Variants in BCLAF3 observed in about 807,000 individuals in gnomAD.
BCLAF3 encodes transient octamer binding factor 1.
BCLAF3 carries 24 observed loss-of-function variants against 51.2 expected under a neutral mutation model. The observed-to-expected ratio is 0.47, with a 90% CI of 0.34 to 0.66. BCLAF3 has a LOEUF of 0.66. Ranked by LOEUF, BCLAF3 falls within the 30% of genes least tolerant of loss-of-function variation. BCLAF3 has a pLI of 0.01. For missense variants in BCLAF3, 465 were observed against 525.1 expected (o/e 0.89, Z 1.12); for synonymous variants, 152 against 176.6 (o/e 0.86, Z 1.10).
At chrX:19,971,450 T>C (rs1013148990) in intron 1 of BCLAF3, among the ~76,000 whole-genome samples, 4 of 112,376 alleles carry the variant, frequency 3.6e-5, no homozygotes, top group African/African-American at 6.5e-5. Flanking sequence ...CAAAATATAA[T>C]TGAACATTAT....
intron 11 of BCLAF3, among the ~76,000 whole-genome samples, chrX:19,920,859 G>T (rs1489161800): frequency 9.2e-6 from 1 of 108,826 alleles, no homozygotes; most frequent in Non-Finnish European, 1.9e-5. Context: ...GCACCCTCAA[G>T]AATTTGATAA....
chrX:19,951,487 T>C (rs1369920431), intron 7 of BCLAF3, among the ~76,000 whole-genome samples: 2 of 102,580 alleles, frequency 1.9e-5, no homozygotes, highest in African/African-American at 7.6e-5. Flanking sequence ...TCCCAGCTAC[T>C]TGGGAGGCTG....
intron 1 of BCLAF3, 102 bp from the exon 2 acceptor site, chrX:19,970,400 C>A: frequency 1.6e-6 from 1 of 615,227 alleles, no homozygotes; most frequent in South Asian, 2.7e-5. Context: ...TGTGCCTCAG[C>A]TTCCTCATCT....
chrX:19,963,181 C>CT (rs10538654), intron 4 of BCLAF3, among the ~76,000 whole-genome samples: 1 of 76,415 alleles, frequency 1.3e-5, no homozygotes. Context: ...TCCAAGCTCC[C>CT]TTTTTTTTTT....
At position 19,970,151 on chromosome X, in the gene BCLAF3, T is replaced by A. The variant is rs1052316677; in HGVS notation, c.41+73A>T. ...TAACCAGGTCCCATGAGCTTAAGTGTTTACTAGTACTGGTGAAATTGAAAG... is the reference window on the plus strand; with the variant it reads ...TAACCAGGTCCCATGAGCTTAAGTGATTACTAGTACTGGTGAAATTGAAAG... On this transcript the variant is annotated intron_variant, in intron 2 of 11. Coordinates refer to ENST00000379682, the MANE Select transcript of BCLAF3 (RefSeq NM_001367774.2). The A allele has an allele frequency of 4.6e-5, 41 of 899,187 alleles. 1 individual carries two copies. The Admixed American group carries it at 9.1e-4, about 20-fold the overall frequency. 74.1% of individuals were successfully genotyped at this position (899,187 alleles called of 1,213,427 possible). A position where few individuals can be genotyped will look rare whatever the true frequency, so the allele number is the denominator to read the frequency against.
At chrX:19,950,436 C>G (rs1422267120) in intron 8 of BCLAF3, among the ~76,000 whole-genome samples, 2 of 112,273 alleles carry the variant, frequency 1.8e-5, no homozygotes, top group African/African-American at 6.5e-5. Context: ...GAGTTTCAAT[C>G]AGCTCAAGCT....
chrX:19,979,647 G>A (rs1212822561), intron 1 of BCLAF3, among the ~76,000 whole-genome samples: 1 of 109,189 alleles, frequency 9.2e-6, no homozygotes, highest in African/African-American at 3.3e-5. Context: ...ATCATTTGAG[G>A]ATATTAAAAA....
chrX:19,984,287 G>A (rs768896156), intron 1 of BCLAF3, among the ~76,000 whole-genome samples: 1 of 110,221 alleles, frequency 9.1e-6, no homozygotes, highest in African/African-American at 3.3e-5. Context: ...CAAGAGATGC[G>A]AGGAGACACT....
At chrX:19,934,305 T>C (rs1244352661) in intron 10 of BCLAF3, among the ~76,000 whole-genome samples, 1 of 112,099 alleles carries the variant, frequency 8.9e-6, no homozygotes, top group African/African-American at 3.2e-5. Context: ...AGAAAAATAC[T>C]ATAATCAACT....
chrX:19,931,250 G>A (rs994781009), intron 10 of BCLAF3, among the ~76,000 whole-genome samples: 1 of 111,466 alleles, frequency 9.0e-6, no homozygotes, highest in Non-Finnish European at 1.9e-5. Context: ...TTTGTCAGTC[G>A]TGAACCAATC....
intron 1 of BCLAF3, among the ~76,000 whole-genome samples, chrX:19,975,589 C>A (rs2072403498): frequency 8.9e-6 from 1 of 111,840 alleles, no homozygotes; most frequent in Admixed American, 9.5e-5. Flanking sequence ...AATGATCTGC[C>A]CGCCTCAGCC....
intron 8 of BCLAF3, among the ~76,000 whole-genome samples, chrX:19,945,949 G>A (rs777496695): frequency 9.3e-6 from 1 of 108,012 alleles, no homozygotes; most frequent in South Asian, 4.0e-4. Flanking sequence ...AGGACCCTCC[G>A]AGCCAGGTGT....
At position 19,915,575 on chromosome X, in the gene BCLAF3, G is replaced by A. The variant is rs886151045; in HGVS notation, c.*1730C>T. 1 of 111,521 alleles carries A rather than the reference G, an allele frequency of 9.0e-6. No individual in the cohort carries two copies. The allele number at this position is 111,521 out of a possible 1,213,427, so 9.2% of individuals were successfully genotyped here. On this transcript the variant is annotated 3_prime_UTR_variant, in exon 12 of 12. Coordinates refer to ENST00000379682, the MANE Select transcript of BCLAF3 (RefSeq NM_001367774.2). ...TTATGTGTTACAATAAATAAAAAGCGAGCTATAAAGGCGATTTACCAAGTT... is the reference window on the plus strand; with the variant it reads ...TTATGTGTTACAATAAATAAAAAGCAAGCTATAAAGGCGATTTACCAAGTT...
In BCLAF3 at chrX:19,983,647, G is replaced by A. The variant is rs146649711; in HGVS notation, c.-35+7261C>T. Among the ~76,000 whole-genome samples the A allele has an allele frequency of 2.9e-3, 319 of 110,062 alleles. 2 individuals are homozygous for A. The highest frequency in any genetic ancestry group is 0.01 in the African/African-American group (303 of 30,178). ...GGAGAATCACTTGAACCCGGGAGGC[G>A]GAGCTTACAGTAAGCCAAGATCACA... On this transcript the variant is annotated intron_variant, in intron 1 of 11. Transcript: ENST00000379682.
chrX:19,978,756 T>C (rs2072513026), intron 1 of BCLAF3, among the ~76,000 whole-genome samples: 1 of 89,083 alleles, frequency 1.1e-5, no homozygotes, highest in African/African-American at 5.5e-5. Context: ...AAATCTCTTA[T>C]TTATTTTTTT....
chrX:19,917,155 A>T lies in BCLAF3; in HGVS notation c.*150T>A. On this transcript the variant is annotated 3_prime_UTR_variant, in exon 12 of 12. Coordinates refer to ENST00000379682, the MANE Select transcript of BCLAF3 (RefSeq NM_001367774.2). ...TAAAAGCAATTGTTAGGTGTAAAAA[A>T]GTTGCAGCATTCCACTACTAAAAAA... 3.8e-6 allele frequency: 2 copies of T among 519,948 alleles called. No homozygotes were observed. Among genetic ancestry groups the T allele is most frequent in the East Asian group, 7.1e-5 (2 of 28,061 alleles). 42.8% of individuals were successfully genotyped at this position (519,948 alleles called of 1,213,427 possible).
chrX:19,938,718 G>C (rs954152045), intron 8 of BCLAF3, among the ~76,000 whole-genome samples: 5 of 112,589 alleles, frequency 4.4e-5, no homozygotes, highest in Admixed American at 9.4e-5. Context: ...AGTACATGTG[G>C]TTCCTGGCAC....
chrX:19,975,212 G>A (rs1338328658), intron 1 of BCLAF3, among the ~76,000 whole-genome samples: 3 of 104,169 alleles, frequency 2.9e-5, no homozygotes, highest in Non-Finnish European at 3.9e-5. Context: ...AGCCTGAGCT[G>A]AGAATGCTTT....
rs2069840618 is a variant in BCLAF3, at chrX:19,912,944, A to T, written c.*4361T>A. On this transcript the variant is annotated 3_prime_UTR_variant, in exon 12 of 12. Coordinates refer to ENST00000379682, the MANE Select transcript of BCLAF3 (RefSeq NM_001367774.2). ...ATACAGAAGAGTACAGTCACTCATAATCCCACCATTTAAAAAAATCAACAG... is the reference window on the plus strand; with the variant it reads ...ATACAGAAGAGTACAGTCACTCATATTCCCACCATTTAAAAAAATCAACAG... The T allele has an allele frequency of 8.9e-6, 1 of 112,179 alleles. No individual in the cohort carries two copies. Among genetic ancestry groups the T allele is most frequent in the African/African-American group, 3.2e-5 (1 of 30,821 alleles). The allele number at this position is 112,179 out of a possible 1,213,427, so 9.2% of individuals were successfully genotyped here.
Sources: allele counts gnomAD v4.1 joint callset (sites outside exome capture counted in the v4.1 genomes callset), GRCh38; gene constraint gnomAD v4.1.1; transcripts MANE v1.5; gene names NCBI Gene and HGNC (gene_info 2026-07-23, HGNC 2026-07-21).